TTC28: variants seen among roughly 807,000 people sequenced by gnomAD.
TTC28 encodes the protein tetratricopeptide repeat protein 28.
TTC28 carries 61 observed loss-of-function variants against 198.0 expected under a neutral mutation model. The observed-to-expected ratio is 0.31, with a 90% CI of 0.25 to 0.38. TTC28 has a LOEUF of 0.38. TTC28 is among the 10% of genes least tolerant of loss of function. TTC28 has a pLI of 1.00. For missense variants in TTC28, 2,678 were observed against 3,164.0 expected, an observed-to-expected ratio of 0.85 and a Z score of 3.69; for synonymous variants, 1,171 against 1,297.8, an observed-to-expected ratio of 0.90 and a Z score of 2.10.
intron 6 of TTC28, among the ~76,000 whole-genome samples, chr22:28,123,419 C>A (rs1942839623): frequency 6.6e-6 from 1 of 152,034 alleles, no homozygotes; most frequent in Non-Finnish European, 1.5e-5. Context: ...CCACACCCAG[C>A]TAATTTTTGT....
At chr22:28,336,886 T>C (rs915085782) in intron 2 of TTC28, among the ~76,000 whole-genome samples, 2 of 152,214 alleles carry the variant, frequency 1.3e-5, no homozygotes, top group African/African-American at 4.8e-5. Flanking sequence ...TGCTAGCTTT[T>C]GAATGTGTTT....
At chr22:28,392,575 G>A (rs1026811550) in intron 2 of TTC28, among the ~76,000 whole-genome samples, 10 of 150,100 alleles carry the variant, frequency 6.7e-5, no homozygotes, top group African/African-American at 1.0e-4. Flanking sequence ...TCGGAAAAGC[G>A]CAGTATTCGG....
intron 5 of TTC28, among the ~76,000 whole-genome samples, chr22:28,165,743 A>G (rs1921856523): frequency 1.3e-5 from 2 of 152,228 alleles, no homozygotes; most frequent in South Asian, 4.1e-4. Flanking sequence ...TGCAAAGACC[A>G]TCCAGGCTAG....
At chr22:28,225,480 A>C (rs1487221236) in intron 5 of TTC28, among the ~76,000 whole-genome samples, 1 of 152,170 alleles carries the variant, frequency 6.6e-6, no homozygotes, top group Non-Finnish European at 1.5e-5. Context: ...GCTTCCACCA[A>C]AGGAAATGTC....
At chr22:28,132,663 G>A (rs1324403991) in intron 6 of TTC28, among the ~76,000 whole-genome samples, 1 of 152,126 alleles carries the variant, frequency 6.6e-6, no homozygotes, top group Admixed American at 6.6e-5. Context: ...ACCCCACTGA[G>A]AGCTTTATTC....
chr22:28,082,683 T>A, intron 12 of TTC28, among the ~76,000 whole-genome samples: 1 of 152,244 alleles, frequency 6.6e-6, no homozygotes, highest in East Asian at 1.9e-4. Flanking sequence ...TCAATTTTCA[T>A]GATAAATATT....
intron 2 of TTC28, among the ~76,000 whole-genome samples, chr22:28,345,983 T>C (rs2045897431): frequency 6.6e-6 from 1 of 152,118 alleles, no homozygotes; most frequent in Non-Finnish European, 1.5e-5. Flanking sequence ...GTCTTCAGAG[T>C]AGAAGTTGGT....
At chr22:28,108,796 A>G (rs1352502957) in intron 6 of TTC28, among the ~76,000 whole-genome samples, 1 of 152,270 alleles carries the variant, frequency 6.6e-6, no homozygotes, top group Non-Finnish European at 1.5e-5. Context: ...GAAGACCTGT[A>G]AATGTTAGCA....
chr22:28,625,376 A>G lies in TTC28; in HGVS notation c.381+4176T>C, dbSNP rs1370530180. Among the ~76,000 whole-genome samples, 6 of 152,222 alleles carry G rather than the reference A, an allele frequency of 3.9e-5. No homozygotes were observed. In the East Asian group the frequency reaches 1.2e-3, roughly 29 times the overall value. ...AAATTTAACAGGGTCACATGACACA[A>G]AGTACAGAAAATACATTGTATTTCT... On this transcript the variant is annotated intron_variant, in intron 2 of 22. Coordinates refer to ENST00000397906, the MANE Select transcript of TTC28 (RefSeq NM_001145418.2).
intron 2 of TTC28, among the ~76,000 whole-genome samples, chr22:28,447,665 CTTAATAAAGTTA>C (rs1392727735): frequency 6.6e-6 from 1 of 152,108 alleles, no homozygotes; most frequent in African/African-American, 2.4e-5. Context: ...TGTTGCTGGA[CTTAATAAAGTTA>C]TTTAAACTGG....
chr22:28,323,912 C>A (rs1464154393), intron 2 of TTC28, among the ~76,000 whole-genome samples: 3 of 152,082 alleles, frequency 2.0e-5, no homozygotes, highest in African/African-American at 7.2e-5. Context: ...ATACAGCTGG[C>A]AGCAGACATT....
At chr22:28,566,505 AC>A (rs2049972285) in intron 2 of TTC28, among the ~76,000 whole-genome samples, 1 of 152,216 alleles carries the variant, frequency 6.6e-6, no homozygotes, top group South Asian at 2.1e-4. Context: ...GATTAGAGCC[AC>A]TACAAAAAAT....
chr22:28,674,159 T>C (rs966398478), intron 1 of TTC28, among the ~76,000 whole-genome samples: 2 of 152,088 alleles, frequency 1.3e-5, no homozygotes, highest in South Asian at 2.1e-4. Flanking sequence ...GAGAGACTTG[T>C]CTTCTTTAGT....
At chr22:28,538,692 TG>T (rs984196876) in intron 2 of TTC28, among the ~76,000 whole-genome samples, 3 of 151,706 alleles carry the variant, frequency 2.0e-5, no homozygotes, top group Admixed American at 2.0e-4. Flanking sequence ...CTTGAGTAGC[TG>T]GGATTACAGG....
chr22:28,014,890 G>A (rs1938300667), intron 13 of TTC28, among the ~76,000 whole-genome samples: 1 of 152,250 alleles, frequency 6.6e-6, no homozygotes, highest in Admixed American at 6.5e-5. Context: ...TCTGTGGCAA[G>A]GCAGTAGAAA....
chr22:28,012,759 G>A (rs529722908), intron 14 of TTC28, among the ~76,000 whole-genome samples: 113 of 152,218 alleles, frequency 7.4e-4, no homozygotes, highest in Non-Finnish European at 1.1e-3. Flanking sequence ...TGATCTGCCC[G>A]GCTCGGCCTC....
chr22:28,032,931 C>G (rs1939191177), intron 12 of TTC28, among the ~76,000 whole-genome samples: 1 of 152,224 alleles, frequency 6.6e-6, no homozygotes, highest in African/African-American at 2.4e-5. Context: ...GTCAGCTGAA[C>G]AGGCAGGCAG....
chr22:27,984,529 G>A (rs1404833465), intron 22 of TTC28, among the ~76,000 whole-genome samples: 1 of 151,562 alleles, frequency 6.6e-6, no homozygotes, highest in Non-Finnish European at 1.5e-5. Flanking sequence ...CCTCCGACCC[G>A]CATGCACCCC....
intron 6 of TTC28, among the ~76,000 whole-genome samples, chr22:28,111,286 T>TGTCA (rs1351067672): frequency 1.3e-5 from 2 of 152,140 alleles, no homozygotes; most frequent in Non-Finnish European, 2.9e-5. Context: ...GGGTTAGAGA[T>TGTCA]GTCACCAGGA....
Sources: allele counts gnomAD v4.1 joint callset (sites outside exome capture counted in the v4.1 genomes callset), GRCh38; gene constraint gnomAD v4.1.1; transcripts MANE v1.5; gene names NCBI Gene and HGNC (gene_info 2026-07-23, HGNC 2026-07-21).